PARD3B: variants seen among roughly 807,000 people sequenced by gnomAD.
PARD3B encodes the protein par-3 family cell polarity regulator beta, also known as partitioning defective 3 homolog B.
In PARD3B, 103 loss-of-function variants were observed where a neutral mutation model predicts 130.2. That is an observed-to-expected ratio of 0.79 (90% CI 0.67 to 0.93). The LOEUF (loss-of-function observed/expected upper bound fraction) is 0.93. Ranked by LOEUF, PARD3B falls within the 40% of genes least tolerant of loss-of-function variation. PARD3B has a pLI of 0.00. For missense variants in PARD3B, 1,609 were observed against 1,499.2 expected (o/e 1.07, Z -1.21); for synonymous variants, 583 against 553.2 (o/e 1.05, Z -0.76).
At chr2:204,848,203 G>A (rs1288939019) in intron 2 of PARD3B, among the ~76,000 whole-genome samples, 1 of 152,126 alleles carries the variant, frequency 6.6e-6, no homozygotes, top group Non-Finnish European at 1.5e-5. Context: ...AATAAACATA[G>A]TATATATAGG....
chr2:204,609,469 G>A (rs1029674679), intron 1 of PARD3B, among the ~76,000 whole-genome samples: 2 of 152,160 alleles, frequency 1.3e-5, no homozygotes, highest in Non-Finnish European at 1.5e-5. Context: ...GACAGAAAGT[G>A]TAAGTAAAAT....
At position 205,241,632 on chromosome 2, in the gene PARD3B, C is replaced by T. The variant is rs1042137926; in HGVS notation, c.2141-4146C>T. Among the ~76,000 whole-genome samples the T allele has an allele frequency of 6.6e-6, 1 of 152,026 alleles. No homozygotes were observed. Among genetic ancestry groups the T allele is most frequent in the Non-Finnish European group, 1.5e-5 (1 of 67,948 alleles). Reference sequence around the variant, plus strand: ...AGGAGAAAAAATTCTGTCATCAGAACGAGAACAAGAAACTTAGACTCTTGC... The same window carrying T: ...AGGAGAAAAAATTCTGTCATCAGAATGAGAACAAGAAACTTAGACTCTTGC... On this transcript the variant is annotated intron_variant, in intron 15 of 22. Transcript: ENST00000406610. The surrounding 1 kb of genome is among the most constrained non-coding windows in gnomAD (Gnocchi z 4.2).
chr2:205,574,659 T>C (rs989392624), intron 22 of PARD3B, among the ~76,000 whole-genome samples: 6 of 152,078 alleles, frequency 3.9e-5, no homozygotes, highest in Non-Finnish European at 8.8e-5. Flanking sequence ...CTTCACTTCA[T>C]TGTAACATGC....
At chr2:204,716,025 C>G (rs34969158) in intron 2 of PARD3B, among the ~76,000 whole-genome samples, 47 of 152,040 alleles carry the variant, frequency 3.1e-4, no homozygotes, top group African/African-American at 1.1e-3. Context: ...AAAACTCTTA[C>G]GCATGCTGTT....
At chr2:204,897,887 A>C (rs1410828431) in intron 2 of PARD3B, among the ~76,000 whole-genome samples, 1 of 151,990 alleles carries the variant, frequency 6.6e-6, no homozygotes, top group Non-Finnish European at 1.5e-5. Flanking sequence ...AAAAAAAAAA[A>C]AACCCTAAAA....
At position 205,472,465 on chromosome 2, in the gene PARD3B, A is replaced by G. The variant is rs150962285; in HGVS notation, c.3045-27431A>G. 5.9e-5 allele frequency among the ~76,000 whole-genome samples: 9 copies of G among 152,322 alleles called. No individual in the cohort carries two copies. The South Asian group carries it at 1.2e-3, about 21-fold the overall frequency. On this transcript the variant is annotated intron_variant, in intron 20 of 22. Transcript: ENST00000406610. ...CATAGGGGCCATCATACTGAGTTTT[A>G]TGATAATAAATACTATTTTGTATCA...
intron 1 of PARD3B, among the ~76,000 whole-genome samples, chr2:204,597,195 A>G (rs1055201302): frequency 6.6e-6 from 1 of 151,448 alleles, no homozygotes; most frequent in Non-Finnish European, 1.5e-5. Context: ...GTTCTGTGTA[A>G]TGCTTCCACA....
chr2:204,982,737 G>A (rs1692781625), intron 3 of PARD3B, among the ~76,000 whole-genome samples: 1 of 152,104 alleles, frequency 6.6e-6, no homozygotes, highest in African/African-American at 2.4e-5. Flanking sequence ...ATTGCCCCTA[G>A]ATAATGGATA....
At chr2:205,261,939 G>A (rs1239851638) in intron 16 of PARD3B, among the ~76,000 whole-genome samples, 1 of 152,140 alleles carries the variant, frequency 6.6e-6, no homozygotes, top group African/African-American at 2.4e-5. Flanking sequence ...AGTAGTGCAT[G>A]AGAAGGCTGT....
Position 205,585,488 on chromosome 2 carries a change from G to GAAGAATC in PARD3B, c.3261-29967_3261-29961dup, listed in dbSNP as rs1209250388. Reference sequence around the variant, plus strand: ...GAGAAGGCCAGGATGGTAGCCTCCGGAAGAATCGGCAGGCATTTATTTAAA... The same window carrying GAAGAATC: ...GAGAAGGCCAGGATGGTAGCCTCCGGAAGAATCAAGAATCGGCAGGCATTTATTTAAA... On this transcript the variant is annotated intron_variant, in intron 22 of 22. Coordinates refer to ENST00000406610, the MANE Select transcript of PARD3B (RefSeq NM_001302769.2). This position sits in a 1 kb window ranked among gnomAD's most constrained non-coding sequence, Gnocchi z 5.4. Among the ~76,000 whole-genome samples the GAAGAATC allele has an allele frequency of 6.6e-6, 1 of 152,166 alleles. No homozygotes were observed. Among genetic ancestry groups the GAAGAATC allele is most frequent in the Non-Finnish European group, 1.5e-5 (1 of 68,034 alleles).
intron 1 of PARD3B, among the ~76,000 whole-genome samples, chr2:204,577,592 G>T (rs1341537273): frequency 1.3e-5 from 2 of 152,068 alleles, no homozygotes; most frequent in African/African-American, 2.4e-5. Flanking sequence ...TTTTTTTAGA[G>T]ACAAGGTCTT....
chr2:205,128,676 AT>A lies in PARD3B; in HGVS notation c.1434+2948del, dbSNP rs1203779412. Reference sequence around the variant, plus strand: ...AAGTTCTCAAAATACGTTAGCTATAATTTTTTTTTCTAATACATGACCATTT... The same window carrying A: ...AAGTTCTCAAAATACGTTAGCTATAATTTTTTTTCTAATACATGACCATTT... On this transcript the variant is annotated intron_variant, in intron 10 of 22. Transcript: ENST00000406610. This position sits in a 1 kb window ranked among gnomAD's most constrained non-coding sequence, Gnocchi z 4.5. Among the ~76,000 whole-genome samples the A allele has an allele frequency of 2.6e-5, 4 of 151,848 alleles. No homozygotes were observed. Among genetic ancestry groups the A allele is most frequent in the South Asian group, 2.1e-4 (1 of 4,814 alleles).
rs57934121 is a variant in PARD3B at position 205,346,172 on chromosome 2, A to AAAATAAATAAAT, written c.2630+44508_2630+44519dup. Among the ~76,000 whole-genome samples, 8 of 132,224 alleles carry AAAATAAATAAAT rather than the reference A, an allele frequency of 6.1e-5. 1 individual carries two copies. The highest frequency in any genetic ancestry group is 2.8e-4 in the South Asian group (1 of 3,594). 86.7% of individuals were successfully genotyped at this position (132,224 alleles called of 152,430 possible). A position where few individuals can be genotyped will look rare whatever the true frequency, so the allele number is the denominator to read the frequency against. On this transcript the variant is annotated intron_variant, in intron 18 of 22. Coordinates refer to ENST00000406610, the MANE Select transcript of PARD3B (RefSeq NM_001302769.2). ...GAACGACACAGTGAGACTCCGTCTC[A>AAAATAAATAAAT]AAATAAATAAATAAATAAATAAATA...
chr2:204,697,791 C>A (rs1011596706), intron 2 of PARD3B, among the ~76,000 whole-genome samples: 1 of 152,072 alleles, frequency 6.6e-6, no homozygotes, highest in Non-Finnish European at 1.5e-5. Flanking sequence ...TGACTACTCA[C>A]CTGCAAGGGT....
intron 2 of PARD3B, among the ~76,000 whole-genome samples, chr2:204,918,657 T>A (rs2047545831): frequency 6.6e-6 from 1 of 152,084 alleles, no homozygotes; most frequent in Non-Finnish European, 1.5e-5. Context: ...AGAAAATGCT[T>A]TTTTTACTTG....
chr2:205,566,083 C>CTTTCA (rs2053322897), intron 22 of PARD3B, among the ~76,000 whole-genome samples: 2 of 152,030 alleles, frequency 1.3e-5, no homozygotes, highest in Admixed American at 1.3e-4. Context: ...TAGGAGAACA[C>CTTTCA]GTAATGAACA....
At chr2:204,625,318 A>C (rs2034450777) in intron 1 of PARD3B, among the ~76,000 whole-genome samples, 1 of 151,956 alleles carries the variant, frequency 6.6e-6, no homozygotes, top group Admixed American at 6.6e-5. Context: ...AGTGCCATCT[A>C]CTGAAGCTTG....
chr2:205,401,015 T>C lies in PARD3B; in HGVS notation c.2633T>C (p.Phe878Ser). ...CCTTCTCCTTCACGTTTCACTAGAT[T>C]TGGAAAGAAGAAAGAGGATAAGGGT... ...KKKGFGAMLRFGKKKEDKGGK... is the reference protein window; with the variant it reads ...KKKGFGAMLRSGKKKEDKGGK... Residue 878 changes from phenylalanine to serine, a missense_variant and splice_region_variant, in exon 19 of 23, where the codon TTT becomes TCT. Physicochemically the swap from Phe to Ser is radical, Grantham distance 155. Coordinates refer to ENST00000406610, the MANE Select transcript of PARD3B (RefSeq NM_001302769.2). 1 of 1,591,516 alleles carries C rather than the reference T, an allele frequency of 6.3e-7. No homozygotes were observed. Among genetic ancestry groups the C allele is most frequent in the South Asian group, 1.2e-5 (1 of 86,930 alleles).
chr2:204,976,994 T>A (rs994735251), intron 3 of PARD3B, among the ~76,000 whole-genome samples: 11 of 152,142 alleles, frequency 7.2e-5, no homozygotes, highest in African/African-American at 2.7e-4. Flanking sequence ...GTTCTCTCTT[T>A]TTCACGAATT....
Sources: allele counts gnomAD v4.1 joint callset (sites outside exome capture counted in the v4.1 genomes callset), GRCh38; gene constraint gnomAD v4.1.1; non-coding constraint Gnocchi (gnomAD v3.1); transcripts MANE v1.5; gene names NCBI Gene and HGNC (gene_info 2026-07-23, HGNC 2026-07-21).